The following CCDC158 variants were observed in gnomAD, a reference collection of about 807,000 sequenced individuals.
CCDC158 encodes coiled-coil domain containing 158.
A neutral mutation model predicts 138.6 loss-of-function variants in CCDC158; 116 were observed. The ratio of observed to expected loss-of-function variants is 0.84; its 90% CI spans 0.72 to 0.98. The LOEUF (loss-of-function observed/expected upper bound fraction) is 0.98. CCDC158 is among the 50% of genes least tolerant of loss of function. The pLI is 0.00. For missense variants in CCDC158, 1,265 were observed against 1,306.1 expected (o/e 0.97, Z 0.48); for synonymous variants, 436 against 442.4 (o/e 0.99, Z 0.18).
At chr4:76,344,428 A>G in intron 18 of CCDC158, 1 of 617,864 alleles carries the variant, frequency 1.6e-6, no homozygotes, top group Non-Finnish European at 2.9e-6. Context: ...TGCCACAGTG[A>G]GTTGTAAGTG....
chr4:76,359,051 G>A (rs1266212314), intron 13 of CCDC158, among the ~76,000 whole-genome samples: 1 of 152,088 alleles, frequency 6.6e-6, no homozygotes, highest in African/African-American at 2.4e-5. Context: ...CAGTGTGTGA[G>A]TTCTCATGAG....
chr4:76,416,714 G>A (rs1408402416), intron 1 of CCDC158, among the ~76,000 whole-genome samples: 1 of 152,252 alleles, frequency 6.6e-6, no homozygotes, highest in Non-Finnish European at 1.5e-5. Context: ...CAGCTTCCAT[G>A]TGGTGTTAAG....
intron 18 of CCDC158, among the ~76,000 whole-genome samples, chr4:76,340,985 T>C (rs1721996225): frequency 6.6e-6 from 1 of 152,184 alleles, no homozygotes; most frequent in Admixed American, 6.5e-5. Flanking sequence ...CTTTTTGTGC[T>C]ATGGGAAGAA....
intron 13 of CCDC158, 69 bp downstream of exon 13, chr4:76,362,057 C>T (rs1282625343): frequency 3.9e-6 from 5 of 1,293,636 alleles, no homozygotes; most frequent in Non-Finnish European, 4.4e-6. Flanking sequence ...TGCAATTGTG[C>T]TAGGGTCTAC....
chr4:76,384,246 G>T lies in CCDC158; in HGVS notation c.568C>A (p.Arg190=). The T allele has an allele frequency of 6.2e-7, 1 of 1,614,050 alleles. No homozygotes were observed. Among genetic ancestry groups the T allele is most frequent in the African/African-American group, 1.3e-5 (1 of 75,016 alleles). ...TCTTCAAAGTCAACTAGGATTGACC[G>T]GATTTCTTGAAGCACTCCCTCATGA... ...LSHEGVLQEI[R]SILVDFEEAS... is the part of the protein sequence containing the mutation. The change falls in exon 6 of 25, where the codon CGG becomes AGG. Residue 190 remains arginine, a synonymous_variant. Coordinates refer to ENST00000682701, the MANE Select transcript of CCDC158 (RefSeq NM_001394954.1).
chr4:76,345,286 C>G, intron 18 of CCDC158: 1 of 982,096 alleles, frequency 1.0e-6, no homozygotes, highest in Non-Finnish European at 1.7e-6. Flanking sequence ...AACATCGAAG[C>G]TGCTAAGGAT....
intron 24 of CCDC158, among the ~76,000 whole-genome samples, chr4:76,314,816 C>T (rs1363822331): frequency 6.6e-6 from 1 of 152,136 alleles, no homozygotes; most frequent in East Asian, 1.9e-4. Context: ...GGAGTGGTCA[C>T]AGGGTGAAAG....
Position 76,382,738 on chromosome 4 carries a change from T to C in CCDC158, c.804-18A>G. On this transcript the variant is annotated intron_variant, in intron 7 of 24. Coordinates refer to ENST00000682701, the MANE Select transcript of CCDC158 (RefSeq NM_001394954.1). ...GCTCAATCCTATAAAAAGAATGTGG[T>C]GATTGTCATTTGATACAGAAGATTT... The C allele has an allele frequency of 2.0e-6, 3 of 1,494,458 alleles. No homozygotes were observed. The highest frequency in any genetic ancestry group is 2.8e-6 in the Non-Finnish European group (3 of 1,077,460). The allele number at this position is 1,494,458 out of a possible 1,614,324, so 92.6% of individuals were successfully genotyped here.
intron 3 of CCDC158, chr4:76,401,229 CGCCA>C: frequency 2.7e-6 from 1 of 372,622 alleles, no homozygotes; most frequent in South Asian, 2.4e-5. Flanking sequence ...CAAACTTCTT[CGCCA>C]GTAGCACTCC....
At chr4:76,343,120 T>C (rs528156673) in intron 18 of CCDC158, among the ~76,000 whole-genome samples, 1 of 152,212 alleles carries the variant, frequency 6.6e-6, no homozygotes. Flanking sequence ...TAAATATGAG[T>C]ATTAAGTGAG....
In CCDC158 at chr4:76,337,526, C is replaced by T. The variant is rs1201815593; in HGVS notation, c.2665-3359G>A. On this transcript the variant is annotated intron_variant, in intron 18 of 24. Coordinates refer to ENST00000682701, the MANE Select transcript of CCDC158 (RefSeq NM_001394954.1). ...GCGGGTGGATCACCTAGGTCAGGAG[C>T]TCGAGACCAGCCTGGCCAACATGGT... is the stretch of plus-strand genomic sequence containing the variant. 2.0e-5 allele frequency among the ~76,000 whole-genome samples: 3 copies of T among 151,968 alleles called. No homozygotes were observed. In the East Asian group the frequency reaches 5.8e-4, roughly 29 times the overall value.
intron 1 of CCDC158, among the ~76,000 whole-genome samples, chr4:76,413,639 T>G (rs1450031328): frequency 6.6e-6 from 1 of 152,022 alleles, no homozygotes; most frequent in African/African-American, 2.4e-5. Context: ...CCTTGAGAGG[T>G]GTTGAAGATA....
intron 9 of CCDC158, among the ~76,000 whole-genome samples, chr4:76,373,364 A>G (rs2904349): frequency 0.21 from 32,482 of 152,226 alleles, 4,066 homozygotes; most frequent in East Asian, 0.47. Flanking sequence ...CTTTCTAGTA[A>G]TAGGAAATCT....
chr4:76,346,276 A>G (rs952446216), intron 18 of CCDC158, among the ~76,000 whole-genome samples: 1 of 152,264 alleles, frequency 6.6e-6, no homozygotes, highest in Admixed American at 6.5e-5. Flanking sequence ...CTAAAACCAT[A>G]AAAACCCTAG....
At chr4:76,344,739 G>A in intron 18 of CCDC158, 1 of 1,613,726 alleles carries the variant, frequency 6.2e-7, no homozygotes, top group African/African-American at 1.3e-5. Flanking sequence ...CACTCTTATT[G>A]AAACAACAGA....
chr4:76,370,041 G>C (rs888935226), intron 10 of CCDC158, among the ~76,000 whole-genome samples: 1 of 152,168 alleles, frequency 6.6e-6, no homozygotes, highest in African/African-American at 2.4e-5. Flanking sequence ...CAGAATAGTG[G>C]CTGGTACTGG....
At position 76,371,420 on chromosome 4, in the gene CCDC158, C is replaced by G; in HGVS notation, c.1146G>C (p.Leu382=). The G allele has an allele frequency of 1.2e-6, 2 of 1,613,904 alleles. No individual in the cohort carries two copies. Among genetic ancestry groups the G allele is most frequent in the Non-Finnish European group, 1.7e-6 (2 of 1,179,910 alleles). The change falls in exon 10 of 25, where the codon CTG becomes CTC. Residue 382 remains leucine (L), a synonymous_variant. Transcript: ENST00000682701. ...SGNLDDQLQK[L]LADLHKREKE... is the part of the protein sequence containing the mutation. ...ATATTTTAAAGCATAATCTTACCAA[C>G]AGCTTTTGAAGTTGATCATCTAAAT... is the stretch of plus-strand genomic sequence containing the variant.
chr4:76,331,197 G>A, intron 21 of CCDC158, 147 bp downstream of exon 21: 1 of 637,922 alleles, frequency 1.6e-6, no homozygotes, highest in Non-Finnish European at 2.7e-6. Flanking sequence ...TAAGCAACTT[G>A]AGGACAGAGC....
At chr4:76,321,112 G>A (rs1175578219) in intron 24 of CCDC158, among the ~76,000 whole-genome samples, 2 of 152,054 alleles carry the variant, frequency 1.3e-5, no homozygotes, top group South Asian at 2.1e-4. Context: ...GACATGAATA[G>A]ACAATTCTCA....
Sources: allele counts gnomAD v4.1 joint callset (sites outside exome capture counted in the v4.1 genomes callset), GRCh38; gene constraint gnomAD v4.1.1; transcripts MANE v1.5; gene names NCBI Gene and HGNC (gene_info 2026-07-23, HGNC 2026-07-21).